Variants in NLGN1 observed in about 807,000 individuals in gnomAD.
NLGN1 encodes neuroligin-1.
A neutral mutation model predicts 65.5 loss-of-function variants in NLGN1; 12 were observed. The observed-to-expected ratio is 0.18, with a 90% confidence interval of 0.12 to 0.30. The LOEUF is 0.30. Among genes scored for constraint, NLGN1 ranks in the 10% least tolerant of loss-of-function variants. NLGN1 has a pLI of 1.00. For missense variants in NLGN1, 750 were observed against 1,007.1 expected, an observed-to-expected ratio of 0.74 and a Z score of 3.46; for synonymous variants, 350 against 359.5, an observed-to-expected ratio of 0.97 and a Z score of 0.30.
chr3:173,979,258 G>C (rs1718230705), intron 4 of NLGN1, among the ~76,000 whole-genome samples: 1 of 151,952 alleles, frequency 6.6e-6, no homozygotes, highest in Non-Finnish European at 1.5e-5. Flanking sequence ...TAGAGCAATA[G>C]CTAAAGGAAA....
At chr3:173,707,452 C>T (rs551318943) in intron 3 of NLGN1, among the ~76,000 whole-genome samples, 19 of 152,162 alleles carry the variant, frequency 1.2e-4, no homozygotes, top group African/African-American at 4.6e-4. Context: ...GAAGAATAAA[C>T]AAGATACTGG....
intron 4 of NLGN1, among the ~76,000 whole-genome samples, chr3:174,241,980 G>C (rs534496963): frequency 1.1e-3 from 164 of 152,254 alleles, no homozygotes; most frequent in Middle Eastern, 6.8e-3. Flanking sequence ...TATCAATGTG[G>C]ATGTGTGCCA....
intron 4 of NLGN1, among the ~76,000 whole-genome samples, chr3:174,212,509 A>G (rs1255500094): frequency 1.3e-5 from 2 of 152,190 alleles, no homozygotes; most frequent in Non-Finnish European, 2.9e-5. Context: ...GAGGGCTCTG[A>G]GGACTGCCAG....
At chr3:173,444,074 A>C (rs1461820871) in intron 2 of NLGN1, among the ~76,000 whole-genome samples, 1 of 152,242 alleles carries the variant, frequency 6.6e-6, no homozygotes, top group East Asian at 1.9e-4. Context: ...AGTTTGAAAA[A>C]TATCACATAT....
In NLGN1 at chr3:174,174,572, A is replaced by T. The variant is rs141858652; in HGVS notation, c.647-100743A>T. Reference sequence around the variant, plus strand: ...GGTTTTGATTCGCATTTCCCTGATCATTAGTGATGTTGAGCATTTTTTCAT... The same window carrying T: ...GGTTTTGATTCGCATTTCCCTGATCTTTAGTGATGTTGAGCATTTTTTCAT... On this transcript the variant is annotated intron_variant, in intron 4 of 6. Transcript: ENST00000457714. 2.4e-4 allele frequency among the ~76,000 whole-genome samples: 36 copies of T among 152,104 alleles called. No individual in the cohort carries two copies. In the East Asian group the frequency reaches 6.6e-3, roughly 28 times the overall value.
chr3:174,246,913 A>G (rs1400103171), intron 4 of NLGN1, among the ~76,000 whole-genome samples: 3 of 152,140 alleles, frequency 2.0e-5, no homozygotes, highest in African/African-American at 7.2e-5. Flanking sequence ...TTGACAAGTA[A>G]ATTAAACTAA....
intron 2 of NLGN1, among the ~76,000 whole-genome samples, chr3:173,589,392 G>A (rs1243070102): frequency 6.7e-6 from 1 of 149,034 alleles, no homozygotes; most frequent in Admixed American, 6.6e-5. Context: ...AGGTGCTGTA[G>A]GTGGTGCTTC....
chr3:173,462,103 T>TAACAAAACA (rs1723506430), intron 2 of NLGN1, among the ~76,000 whole-genome samples: 1 of 152,180 alleles, frequency 6.6e-6, no homozygotes, highest in African/African-American at 2.4e-5. Context: ...TTAGGTTCAG[T>TAACAAAACA]GCTGTTACTG....
At chr3:173,762,234 A>G (rs1578310469) in intron 3 of NLGN1, among the ~76,000 whole-genome samples, 1 of 152,036 alleles carries the variant, frequency 6.6e-6, no homozygotes, top group East Asian at 1.9e-4. Flanking sequence ...CCAGGGACTC[A>G]TGTTCTCCGA....
At chr3:173,895,847 C>G (rs533867487) in intron 4 of NLGN1, among the ~76,000 whole-genome samples, 1 of 152,186 alleles carries the variant, frequency 6.6e-6, no homozygotes, top group Non-Finnish European at 1.5e-5. Context: ...TGTGCCCCCA[C>G]ACATGGCTAA....
intron 4 of NLGN1, among the ~76,000 whole-genome samples, chr3:173,964,822 A>G (rs1193933726): frequency 6.6e-6 from 1 of 152,194 alleles, no homozygotes; most frequent in Non-Finnish European, 1.5e-5. Context: ...AATATTCTTG[A>G]AAAACAAGCA....
chr3:174,051,614 G>C (rs1012712477), intron 4 of NLGN1, among the ~76,000 whole-genome samples: 4 of 152,020 alleles, frequency 2.6e-5, no homozygotes, highest in African/African-American at 9.7e-5. Flanking sequence ...GGACTGAAAA[G>C]CTCATAAATG....
intron 4 of NLGN1, among the ~76,000 whole-genome samples, chr3:173,991,914 G>A (rs1433323426): frequency 1.3e-5 from 2 of 151,990 alleles, no homozygotes; most frequent in African/African-American, 4.8e-5. Flanking sequence ...CTGTGTTCTA[G>A]CGATTCTCGT....
Position 173,656,032 on chromosome 3 carries a change from A to G in NLGN1, c.493+50941A>G, listed in dbSNP as rs181214114. 2.2e-3 allele frequency among the ~76,000 whole-genome samples: 330 copies of G among 152,274 alleles called. 1 individual carries two copies. Among genetic ancestry groups the G allele is most frequent in the Non-Finnish European group, 3.2e-3 (220 of 67,994 alleles). On this transcript the variant is annotated intron_variant, in intron 3 of 6. Transcript: ENST00000457714. ...TTTTTTGGGGGTTTAAATATCCTCA[A>G]GAGGTTTCCATTGGTTACTTGATGT...
At chr3:174,092,083 T>A (rs543145181) in intron 4 of NLGN1, among the ~76,000 whole-genome samples, 1 of 145,756 alleles carries the variant, frequency 6.9e-6, no homozygotes, top group Non-Finnish European at 1.6e-5. Flanking sequence ...TATGAAGAGA[T>A]AAATAAAAGG....
At chr3:173,982,053 G>A (rs1487857223) in intron 4 of NLGN1, among the ~76,000 whole-genome samples, 1 of 151,996 alleles carries the variant, frequency 6.6e-6, no homozygotes, top group Middle Eastern at 3.2e-3. Context: ...AAAACATATA[G>A]TATCCTTAAT....
chr3:174,227,374 A>G (rs977822837), intron 4 of NLGN1, among the ~76,000 whole-genome samples: 33 of 152,152 alleles, frequency 2.2e-4, no homozygotes, highest in African/African-American at 8.0e-4. Context: ...CATTTCACAC[A>G]TGAGGGATCT....
chr3:174,070,141 G>A (rs541741522), intron 4 of NLGN1, among the ~76,000 whole-genome samples: 1 of 152,224 alleles, frequency 6.6e-6, no homozygotes, highest in East Asian at 1.9e-4. Flanking sequence ...AAGCAACATT[G>A]CAAGTCTGAT....
intron 2 of NLGN1, among the ~76,000 whole-genome samples, chr3:173,481,064 G>T (rs899445678): frequency 3.3e-5 from 5 of 152,024 alleles, no homozygotes; most frequent in East Asian, 3.9e-4. Context: ...GTGGTATTCT[G>T]ATTTTTCAGA....
Sources: allele counts gnomAD v4.1 joint callset (sites outside exome capture counted in the v4.1 genomes callset), GRCh38; gene constraint gnomAD v4.1.1; transcripts MANE v1.5; gene names NCBI Gene and HGNC (gene_info 2026-07-23, HGNC 2026-07-21).